PTPN5: variants seen among roughly 807,000 people sequenced by gnomAD.
The protein encoded by PTPN5 is protein tyrosine phosphatase non-receptor type 5.
PTPN5 carries 29 observed loss-of-function variants against 73.9 expected under a neutral mutation model. That is an observed-to-expected ratio of 0.39 (90% CI 0.29 to 0.54). PTPN5 has a LOEUF of 0.54. PTPN5 is among the 20% of genes least tolerant of loss of function. The pLI is 0.65. For missense variants in PTPN5, 652 were observed against 751.4 expected, an observed-to-expected ratio of 0.87 and a Z score of 1.55; for synonymous variants, 267 against 304.7, an observed-to-expected ratio of 0.88 and a Z score of 1.29.
chr11:18,738,400 C>T (rs1264850012), intron 8 of PTPN5, among the ~76,000 whole-genome samples: 1 of 152,204 alleles, frequency 6.6e-6, no homozygotes, highest in Non-Finnish European at 1.5e-5. Flanking sequence ...GAGAAGCCTT[C>T]CCTGATTCTC....
At chr11:18,779,725 A>G (rs1851335888) in intron 1 of PTPN5, among the ~76,000 whole-genome samples, 1 of 152,158 alleles carries the variant, frequency 6.6e-6, no homozygotes, top group African/African-American at 2.4e-5. Context: ...CACGGGCTGA[A>G]TTCCTCAAAG....
intron 2 of PTPN5, among the ~76,000 whole-genome samples, chr11:18,771,724 C>A (rs1032763494): frequency 6.6e-6 from 1 of 152,172 alleles, no homozygotes; most frequent in Non-Finnish European, 1.5e-5. Flanking sequence ...AAGAAGATGG[C>A]CAAACCATAG....
chr11:18,770,931 G>T (rs1341252863), intron 2 of PTPN5, among the ~76,000 whole-genome samples: 1 of 152,172 alleles, frequency 6.6e-6, no homozygotes, highest in African/African-American at 2.4e-5. Flanking sequence ...CTCTGCCTGG[G>T]GGGTAGAGTG....
chr11:18,783,760 G>T (rs970565722), intron 1 of PTPN5, among the ~76,000 whole-genome samples: 1 of 152,200 alleles, frequency 6.6e-6, no homozygotes, highest in Non-Finnish European at 1.5e-5. Context: ...CTCCTTGCGG[G>T]CAGGGTCCTT....
At position 18,785,249 on chromosome 11, in the gene PTPN5, T is replaced by A. The variant is rs529213378; in HGVS notation, c.-114+6276A>T. Among the ~76,000 whole-genome samples, 24 of 152,266 alleles carry A rather than the reference T, an allele frequency of 1.6e-4. No homozygotes were observed. The Middle Eastern group carries it at 0.01, about 65-fold the overall frequency. On this transcript the variant is annotated intron_variant, in intron 1 of 14. Transcript: ENST00000358540. ...TTGATCCCATCATATCTCTTGAGGG[T>A]GCTTCAGATGGATGCTTTGAGACTC...
chr11:18,787,379 T>C (rs532116991), intron 1 of PTPN5, among the ~76,000 whole-genome samples: 2 of 152,238 alleles, frequency 1.3e-5, no homozygotes, highest in African/African-American at 2.4e-5. Flanking sequence ...AGGGCCAGGC[T>C]TGGTTTGCTA....
At chr11:18,736,842 G>A (rs1235584806) in intron 9 of PTPN5, among the ~76,000 whole-genome samples, 1 of 152,130 alleles carries the variant, frequency 6.6e-6, no homozygotes, top group African/African-American at 2.4e-5. Context: ...TAGGATACTC[G>A]AGTCCCTCCC....
chr11:18,761,634 G>A (rs1023439805), intron 3 of PTPN5, among the ~76,000 whole-genome samples: 7 of 152,110 alleles, frequency 4.6e-5, no homozygotes, highest in East Asian at 1.9e-4. Flanking sequence ...CCACAGTACC[G>A]GGGAGCTGGG....
Position 18,743,049 on chromosome 11 carries a change from T to C in PTPN5, c.426A>G (p.Gly142=), listed in dbSNP as rs1178861757. The change falls in exon 6 of 15, where the codon GGA becomes GGG. Residue 142 remains glycine, a synonymous_variant. Coordinates refer to ENST00000358540, the MANE Select transcript of PTPN5 (RefSeq NM_006906.2). ...GAAAGACCAGCAGCAGACTGGGGAC[T>C]CCCCACGTCCCAGAGTCAAGCCAGG... is the stretch of plus-strand genomic sequence containing the variant. The part of the protein sequence containing the change: ...PTAWLDSGTW[G]VPSLLLVFLS... The C allele has an allele frequency of 6.4e-7, 1 of 1,551,524 alleles. No individual in the cohort carries two copies. Among genetic ancestry groups the C allele is most frequent in the Admixed American group, 2.0e-5 (1 of 51,012 alleles).
chr11:18,756,829 C>T (rs1297619243), intron 3 of PTPN5, among the ~76,000 whole-genome samples: 1 of 150,714 alleles, frequency 6.6e-6, no homozygotes, highest in Admixed American at 6.6e-5. Context: ...GAGGCTGAGG[C>T]AGGAGAATTG....
intron 3 of PTPN5, among the ~76,000 whole-genome samples, chr11:18,761,233 A>G (rs1050081182): frequency 6.6e-6 from 1 of 152,114 alleles, no homozygotes; most frequent in African/African-American, 2.4e-5. Flanking sequence ...GCTCTATTCC[A>G]TGTGCTGGCC....
intron 2 of PTPN5, among the ~76,000 whole-genome samples, chr11:18,769,365 C>T (rs1206931814): frequency 6.6e-6 from 1 of 152,048 alleles, no homozygotes; most frequent in African/African-American, 2.4e-5. Flanking sequence ...AGGAAGTCTT[C>T]TCCAAGGGGG....
chr11:18,730,051 CT>C (rs746453908), intron 12 of PTPN5: 7 of 590,460 alleles, frequency 1.2e-5, no homozygotes, highest in Admixed American at 3.1e-5. Context: ...GCCTTTGGTC[CT>C]GCCCCAACAA....
At position 18,785,318 on chromosome 11, in the gene PTPN5, A is replaced by C. The variant is rs185317851; in HGVS notation, c.-114+6207T>G. Among the ~76,000 whole-genome samples, 95 of 152,318 alleles carry C rather than the reference A, an allele frequency of 6.2e-4. No homozygotes were observed. The South Asian group carries it at 0.017, about 28-fold the overall frequency. On this transcript the variant is annotated intron_variant, in intron 1 of 14. Coordinates refer to ENST00000358540, the MANE Select transcript of PTPN5 (RefSeq NM_006906.2). ...TGCCTGGAGATGCTCATTATTGACT[A>C]TGTGCAACAATAAAGACATAGTTAA...
At chr11:18,743,208 G>T in intron 5 of PTPN5, 114 bp downstream of exon 5, 1 of 1,244,790 alleles carries the variant, frequency 8.0e-7, no homozygotes, top group Non-Finnish European at 1.2e-6. Context: ...AGAACTTCAG[G>T]GGCTTGGAAG....
chr11:18,761,586 A>G (rs1318041139), intron 3 of PTPN5, among the ~76,000 whole-genome samples: 1 of 152,152 alleles, frequency 6.6e-6, no homozygotes, highest in Non-Finnish European at 1.5e-5. Context: ...ACATGTGCAC[A>G]GGGGTGGGGA....
chr11:18,729,989 C>T lies in PTPN5; in HGVS notation c.1330-171G>A. 1 of 843,884 alleles carries T rather than the reference C, an allele frequency of 1.2e-6. No individual in the cohort carries two copies. The highest frequency in any genetic ancestry group is 1.7e-5 in the South Asian group (1 of 59,742). 52.3% of individuals were successfully genotyped at this position (843,884 alleles called of 1,614,324 possible). ...ATTGCCCAGTGGCACCAGACACAGA[C>T]CCAAAGCCAGCTTGGTTTTGGGGGT... is the stretch of plus-strand genomic sequence containing the variant. On this transcript the variant is annotated intron_variant, in intron 12 of 14. Transcript: ENST00000358540. This position sits in a 1 kb window ranked among gnomAD's most constrained non-coding sequence, Gnocchi z 5.2.
At chr11:18,786,320 A>T (rs1851667735) in intron 1 of PTPN5, among the ~76,000 whole-genome samples, 2 of 151,766 alleles carry the variant, frequency 1.3e-5, no homozygotes, top group South Asian at 4.1e-4. Flanking sequence ...CTCCTGCCTC[A>T]GCCTCCTGAG....
chr11:18,735,136 A>G (rs1849059392), intron 9 of PTPN5, among the ~76,000 whole-genome samples: 1 of 152,202 alleles, frequency 6.6e-6, no homozygotes, highest in South Asian at 2.1e-4. Flanking sequence ...GTTATTCCTG[A>G]CATTATTACA....
Sources: allele counts gnomAD v4.1 joint callset (sites outside exome capture counted in the v4.1 genomes callset), GRCh38; gene constraint gnomAD v4.1.1; non-coding constraint Gnocchi (gnomAD v3.1); transcripts MANE v1.5; gene names NCBI Gene and HGNC (gene_info 2026-07-23, HGNC 2026-07-21).